ADGRL3: variants seen among roughly 807,000 people sequenced by gnomAD.
ADGRL3 encodes the protein calcium-independent alpha-latrotoxin receptor 3.
Under a neutral mutation model 153.5 loss-of-function variants are expected in ADGRL3, and 62 were observed. The observed-to-expected ratio is 0.40, with a 90% CI of 0.33 to 0.50. The LOEUF is 0.50. ADGRL3 is among the 20% of genes least tolerant of loss of function. The pLI, the probability that ADGRL3 is intolerant of heterozygous loss-of-function variation, is 0.47. For missense variants in ADGRL3, 1,641 were observed against 1,859.4 expected (o/e 0.88, Z 2.16); for synonymous variants, 710 against 672.5 (o/e 1.06, Z -0.86).
chr4:61,269,847 A>G (rs553151896), intron 1 of ADGRL3, among the ~76,000 whole-genome samples: 1 of 151,812 alleles, frequency 6.6e-6, no homozygotes, highest in South Asian at 2.1e-4. Context: ...AATTCAGTTT[A>G]TAGATTTGAG....
At chr4:61,895,592 C>T (rs961248701) in intron 10 of ADGRL3, 139 bp from the exon 11 acceptor site, 8 of 518,792 alleles carry the variant, frequency 1.5e-5, no homozygotes, top group Middle Eastern at 7.6e-4. Context: ...TAAATGCTTA[C>T]TGGCACTGTA....
intron 5 of ADGRL3, among the ~76,000 whole-genome samples, chr4:61,625,597 A>G (rs2149916750): frequency 6.6e-6 from 1 of 152,188 alleles, no homozygotes; most frequent in Non-Finnish European, 1.5e-5. Context: ...TTGAATTTGA[A>G]TATAGGCCAT....
chr4:61,684,389 C>G (rs1427626859), intron 6 of ADGRL3, among the ~76,000 whole-genome samples: 1 of 152,078 alleles, frequency 6.6e-6, no homozygotes, highest in African/African-American at 2.4e-5. Context: ...ATCTAGAGAT[C>G]AAGAACTCCT....
chr4:61,569,007 T>C (rs1184897252), intron 4 of ADGRL3, among the ~76,000 whole-genome samples: 1 of 152,034 alleles, frequency 6.6e-6, no homozygotes, highest in Non-Finnish European at 1.5e-5. Context: ...TAGAACAGAG[T>C]GAATCTCATA....
In ADGRL3 at chr4:61,418,969, A is replaced by G. The variant is rs1212077094; in HGVS notation, c.-174+35780A>G. Among the ~76,000 whole-genome samples the G allele has an allele frequency of 1.3e-5, 2 of 150,846 alleles. 1 individual carries two copies. The highest frequency in any genetic ancestry group is 4.2e-4 in the East Asian group (2 of 4,762). Reference sequence around the variant, plus strand: ...TAGAAATCCTATGTCATGAATTTCAATAATTTACTTGATTTAGAAAGCTTT... The same window carrying G: ...TAGAAATCCTATGTCATGAATTTCAGTAATTTACTTGATTTAGAAAGCTTT... On this transcript the variant is annotated intron_variant, in intron 2 of 26. Coordinates refer to ENST00000683033, the MANE Select transcript of ADGRL3 (RefSeq NM_001387552.1).
intron 1 of ADGRL3, among the ~76,000 whole-genome samples, chr4:61,228,762 G>A (rs1749116797): frequency 6.6e-6 from 1 of 152,058 alleles, no homozygotes; most frequent in South Asian, 2.1e-4. Flanking sequence ...GCACCGTCTG[G>A]GCTCACTGCA....
chr4:61,521,547 A>G (rs1251612171), intron 4 of ADGRL3, among the ~76,000 whole-genome samples: 1 of 152,172 alleles, frequency 6.6e-6, no homozygotes, highest in Non-Finnish European at 1.5e-5. Flanking sequence ...TGGAGTGTTC[A>G]TCATGTTGAT....
At chr4:62,066,573 A>G (rs1222651225) in intron 25 of ADGRL3, among the ~76,000 whole-genome samples, 2 of 152,090 alleles carry the variant, frequency 1.3e-5, no homozygotes, top group Non-Finnish European at 2.9e-5. Context: ...TAATTTTTGT[A>G]AAGATAAATC....
At chr4:61,642,603 T>A (rs946728737) in intron 5 of ADGRL3, among the ~76,000 whole-genome samples, 1 of 152,302 alleles carries the variant, frequency 6.6e-6, no homozygotes, top group East Asian at 1.9e-4. Context: ...GTTGTAGATA[T>A]GCGGCGTTAT....
At chr4:61,957,277 AT>A (rs2098970773) in intron 17 of ADGRL3, among the ~76,000 whole-genome samples, 1 of 151,886 alleles carries the variant, frequency 6.6e-6, no homozygotes, top group Non-Finnish European at 1.5e-5. Flanking sequence ...TTTCCTAGGT[AT>A]TTTATTCTCT....
chr4:61,688,506 A>T (rs1497898), intron 6 of ADGRL3, among the ~76,000 whole-genome samples: 151,931 of 152,232 alleles, frequency 1, 75,817 homozygotes, highest in Non-Finnish European at 1. Context: ...CTGTGAAAAA[A>T]TAAAATGAAA....
At chr4:61,233,684 AGTG>A (rs1243966507) in intron 1 of ADGRL3, among the ~76,000 whole-genome samples, 20 of 152,134 alleles carry the variant, frequency 1.3e-4, no homozygotes, top group South Asian at 2.1e-4. Flanking sequence ...AGGAAATAAA[AGTG>A]GTGTGTGTGT....
In ADGRL3 at chr4:61,380,748, A is replaced by G. The variant is rs943763928; in HGVS notation, c.-239-2376A>G. Among the ~76,000 whole-genome samples, 5 of 152,078 alleles carry G rather than the reference A, an allele frequency of 3.3e-5. No individual in the cohort carries two copies. The East Asian group carries it at 9.7e-4, about 29-fold the overall frequency. On this transcript the variant is annotated intron_variant, in intron 1 of 26. Transcript: ENST00000683033. ...TTTGCCGGCATTTATTTTTATCCAA[A>G]ATAAATTACACTTTTTGTCTTTCCT...
chr4:61,872,568 T>C (rs1412745421), intron 9 of ADGRL3, among the ~76,000 whole-genome samples: 1 of 151,842 alleles, frequency 6.6e-6, no homozygotes, highest in East Asian at 1.9e-4. Flanking sequence ...TTTATTATTT[T>C]ATTTTAGACT....
At chr4:61,727,585 T>A (rs985276224) in intron 6 of ADGRL3, among the ~76,000 whole-genome samples, 5 of 152,098 alleles carry the variant, frequency 3.3e-5, no homozygotes, top group Non-Finnish European at 5.9e-5. Context: ...AAGGGAGTAT[T>A]TTAGGCCTGT....
intron 1 of ADGRL3, among the ~76,000 whole-genome samples, chr4:61,378,701 C>T (rs1226671133): frequency 5.9e-5 from 9 of 151,954 alleles, no homozygotes; most frequent in African/African-American, 2.4e-5. Context: ...AAATTGTATT[C>T]ATCCTTTATA....
chr4:61,967,275 TA>T, intron 17 of ADGRL3, among the ~76,000 whole-genome samples: 1 of 152,254 alleles, frequency 6.6e-6, no homozygotes, highest in South Asian at 2.1e-4. Context: ...AGAATTTTTT[TA>T]AAAGGTAGAT....
chr4:62,043,357 G>A (rs578067315), intron 24 of ADGRL3, among the ~76,000 whole-genome samples: 49 of 152,050 alleles, frequency 3.2e-4, no homozygotes, highest in African/African-American at 1.1e-3. Context: ...AAACAAATGT[G>A]AGAGACTGGC....
chr4:61,605,558 G>C (rs1473772686), intron 5 of ADGRL3, among the ~76,000 whole-genome samples: 2 of 152,152 alleles, frequency 1.3e-5, no homozygotes, highest in Non-Finnish European at 1.5e-5. Flanking sequence ...CATATTCTAT[G>C]TGAAAATTGT....
Sources: allele counts gnomAD v4.1 joint callset (sites outside exome capture counted in the v4.1 genomes callset), GRCh38; gene constraint gnomAD v4.1.1; transcripts MANE v1.5; gene names NCBI Gene and HGNC (gene_info 2026-07-23, HGNC 2026-07-21).